CPXM1: variants seen among roughly 807,000 people sequenced by gnomAD.
CPXM1 encodes probable carboxypeptidase X1.
In CPXM1, 72 loss-of-function variants were observed where a neutral mutation model predicts 80.4. That is an observed-to-expected ratio of 0.90 (90% CI 0.74 to 1.09). CPXM1 has a LOEUF of 1.09. CPXM1 is among the 50% of genes least tolerant of loss of function. The pLI, the probability that CPXM1 is intolerant of heterozygous loss-of-function variation, is 0.00. For missense variants in CPXM1, 892 were observed against 999.4 expected, an observed-to-expected ratio of 0.89 and a Z score of 1.45; for synonymous variants, 403 against 405.6, an observed-to-expected ratio of 0.99 and a Z score of 0.08.
rs149725071 is a variant in CPXM1 at position 2,798,211 on chromosome 20, G to A, written c.531C>T (p.Asp177=). 37 of 1,613,976 alleles carry A rather than the reference G, an allele frequency of 2.3e-5. No homozygotes were observed. The highest frequency in any genetic ancestry group is 8.0e-5 in the African/African-American group (6 of 75,046). The change falls in exon 4 of 14, where the codon GAC becomes GAT. Residue 177 remains aspartate, a synonymous_variant. Transcript: ENST00000380605. ...EQDADPWFQV[D]AGHPTRFSGV... The stretch of plus-strand genomic sequence containing the variant: ...CCGAGAAGCGGGTGGGGTGCCCAGC[G>A]TCCACCTGAAACCATGGATCGGCGT...
At position 2,798,219 on chromosome 20, in the gene CPXM1, G is replaced by A. The variant is rs2088530369; in HGVS notation, c.523C>T (p.Gln175Ter). ...CGGGTGGGGTGCCCAGCGTCCACCT[G>A]AAACCATGGATCGGCGTCCTGCTCC... ...AEEQDADPWFQVDAGHPTRFS... is the reference protein window; with the variant it reads ...AEEQDADPWF Residue 175 changes from glutamine (Q) to a stop codon, truncating the protein, a stop_gained, in exon 4 of 14, where the codon CAG (glutamine) becomes TAG (stop). Transcript: ENST00000380605. LOFTEE classifies it high-confidence loss of function. 1.2e-5 allele frequency: 20 copies of A among 1,614,018 alleles called. No homozygotes were observed. The highest frequency in any genetic ancestry group is 1.6e-5 in the Non-Finnish European group (19 of 1,180,030).
chr20:2,794,709 G>A lies in CPXM1; in HGVS notation c.1861-70C>T. 3 of 1,296,150 alleles carry A rather than the reference G, an allele frequency of 2.3e-6. No individual in the cohort carries two copies. Among genetic ancestry groups the A allele is most frequent in the Middle Eastern group, 1.8e-4 (1 of 5,464 alleles). 80.3% of individuals were successfully genotyped at this position (1,296,150 alleles called of 1,614,324 possible). A position where few individuals can be genotyped will look rare whatever the true frequency, so the allele number is the denominator to read the frequency against. The stretch of plus-strand genomic sequence containing the variant: ...AATGTGCTGTTTAGCTAACTTGCTG[G>A]CTCTGTTGCCCTGCAAACCTGAGCA... On this transcript the variant is annotated intron_variant, in intron 12 of 13. Coordinates refer to ENST00000380605, the MANE Select transcript of CPXM1 (RefSeq NM_019609.5). This position sits in a 1 kb window ranked among gnomAD's most constrained non-coding sequence, Gnocchi z 5.2.
intron 1 of CPXM1, among the ~76,000 whole-genome samples, chr20:2,800,172 T>C (rs1396706295): frequency 6.6e-6 from 1 of 150,596 alleles, no homozygotes; most frequent in African/African-American, 2.4e-5. Flanking sequence ...TGTGTGTGCA[T>C]GCGTGTGAAT....
chr20:2,799,808 T>C (rs2088548568), intron 1 of CPXM1, among the ~76,000 whole-genome samples: 1 of 152,174 alleles, frequency 6.6e-6, no homozygotes, highest in African/African-American at 2.4e-5. Context: ...CGAGGGGCTC[T>C]CCCTTCTTTC....
intron 5 of CPXM1, 70 bp from the exon 6 acceptor site, chr20:2,797,412 G>A (rs1448672686): frequency 2.8e-6 from 4 of 1,424,462 alleles, no homozygotes; most frequent in Non-Finnish European, 3.7e-6. Context: ...CAGGGAAGGA[G>A]CTCAGGCCTC....
chr20:2,796,840 G>A lies in CPXM1; in HGVS notation c.921+166C>T, dbSNP rs753069583. 2.8e-4 allele frequency among the ~76,000 whole-genome samples: 42 copies of A among 152,106 alleles called. No homozygotes were observed. The highest frequency in any genetic ancestry group is 5.3e-4 in the Non-Finnish European group (36 of 68,008). On this transcript the variant is annotated intron_variant, in intron 7 of 13. Transcript: ENST00000380605. The surrounding 1 kb of genome is among the most constrained non-coding windows in gnomAD (Gnocchi z 6.8). ...GGACTGGGGGGGCGCCATAATAAGG[G>A]AAAGTGGGATGGAGCTTAGGGGTCC...
At position 2,794,425 on chromosome 20, in the gene CPXM1, C is replaced by T. The variant is rs1255102168; in HGVS notation, c.1970G>A (p.Gly657Asp). 1 of 1,613,962 alleles carries T rather than the reference C, an allele frequency of 6.2e-7. No individual in the cohort carries two copies. The highest frequency in any genetic ancestry group is 1.3e-5 in the African/African-American group (1 of 75,032). ...GGTCAGCAGACGCCAATAATCCCCG[C>T]CCCACGCTGAGGAGAGTGAAGGGCA... ...GINHDVTTAW[G>D]GDYWRLLTPG... The change falls in exon 14 of 14, where the codon GGC (glycine) becomes GAC (aspartate). Residue 657 changes from glycine to aspartate, a missense_variant. Transcript: ENST00000380605. The surrounding 1 kb of genome is among the most constrained non-coding windows in gnomAD (Gnocchi z 5.2).
At position 2,795,853 on chromosome 20, in the gene CPXM1, A is replaced by G. The variant is rs1396646852; in HGVS notation, c.1466T>C (p.Ile489Thr). 1 of 1,611,838 alleles carries G rather than the reference A, an allele frequency of 6.2e-7. No homozygotes were observed. The highest frequency in any genetic ancestry group is 8.5e-7 in the Non-Finnish European group (1 of 1,179,626). ...TRAVIKWMKR[I>T]PFVLSANLHG... ...GAGGTTGGCACTTAGCACAAAGGGG[A>G]TCCGCTTCATCCACTTGATTACTGC... The change falls in exon 11 of 14, where the codon ATC becomes ACC. Residue 489 changes from isoleucine to threonine, a missense_variant. Ile to Thr is a moderately conservative substitution (Grantham distance 89, BLOSUM62 -1). Transcript: ENST00000380605. The surrounding 1 kb of genome is among the most constrained non-coding windows in gnomAD (Gnocchi z 5.4).
chr20:2,797,383 A>G, intron 5 of CPXM1, 41 bp from the exon 6 acceptor site: 1 of 1,443,144 alleles, frequency 6.9e-7, no homozygotes, highest in Non-Finnish European at 9.1e-7. Context: ...CTCAAACCCC[A>G]GAAGCCTGGC....
Position 2,794,475 on chromosome 20 carries a change from T to C in CPXM1, c.1964-44A>G, listed in dbSNP as rs370934601. The C allele has an allele frequency of 2.5e-6, 4 of 1,613,346 alleles. No individual in the cohort carries two copies. The African/African-American group carries it at 4.0e-5, about 16-fold the overall frequency. ...ACGATCAGGACCCAATTAATGATCT[T>C]CTGCTTCTTCCCGAGCCTCCAGCCC... is the stretch of plus-strand genomic sequence containing the variant. On this transcript the variant is annotated intron_variant, in intron 13 of 13. Transcript: ENST00000380605. This position sits in a 1 kb window ranked among gnomAD's most constrained non-coding sequence, Gnocchi z 5.2.
rs576568240 is a variant in CPXM1 at position 2,796,827 on chromosome 20, C to T, written c.922-177G>A. 3.3e-5 allele frequency among the ~76,000 whole-genome samples: 5 copies of T among 151,800 alleles called. No individual in the cohort carries two copies. Among genetic ancestry groups the T allele is most frequent in the African/African-American group, 7.3e-5 (3 of 41,366 alleles). On this transcript the variant is annotated intron_variant, in intron 7 of 13. Transcript: ENST00000380605. The surrounding 1 kb of genome is among the most constrained non-coding windows in gnomAD (Gnocchi z 6.8). ...GGAGGAAGGGGTAGGACTGGGGGGG[C>T]GCCATAATAAGGGAAAGTGGGATGG... is the stretch of plus-strand genomic sequence containing the variant.
chr20:2,799,776 C>T (rs1285387114), intron 1 of CPXM1, among the ~76,000 whole-genome samples: 1 of 152,212 alleles, frequency 6.6e-6, no homozygotes, highest in African/African-American at 2.4e-5. Context: ...CCCGCTCTGC[C>T]CCATCCTCCC....
At position 2,796,241 on chromosome 20, in the gene CPXM1, G is replaced by C; in HGVS notation, c.1242+6C>G. The C allele has an allele frequency of 6.2e-7, 1 of 1,612,998 alleles. No individual in the cohort carries two copies. Among genetic ancestry groups the C allele is most frequent in the African/African-American group, 1.3e-5 (1 of 75,024 alleles). ...GACAGAGTGGCCCTCATGCTGGGTG[G>C]CCTACCCGGTGGTAGGCGATCTCAT... On this transcript the variant is annotated splice_donor_region_variant and intron_variant, in intron 9 of 13. Coordinates refer to ENST00000380605, the MANE Select transcript of CPXM1 (RefSeq NM_019609.5). This position sits in a 1 kb window ranked among gnomAD's most constrained non-coding sequence, Gnocchi z 6.8.
In CPXM1 at chr20:2,794,708, G is replaced by T; in HGVS notation, c.1861-69C>A. ...TAATGTGCTGTTTAGCTAACTTGCT[G>T]GCTCTGTTGCCCTGCAAACCTGAGC... is the stretch of plus-strand genomic sequence containing the variant. On this transcript the variant is annotated intron_variant, in intron 12 of 13. Coordinates refer to ENST00000380605, the MANE Select transcript of CPXM1 (RefSeq NM_019609.5). This position sits in a 1 kb window ranked among gnomAD's most constrained non-coding sequence, Gnocchi z 5.2. 7.6e-7 allele frequency: 1 copy of T among 1,311,318 alleles called. No individual in the cohort carries two copies. The highest frequency in any genetic ancestry group is 1.1e-6 in the Non-Finnish European group (1 of 919,390). 81.2% of individuals were successfully genotyped at this position (1,311,318 alleles called of 1,614,324 possible). A position where few individuals can be genotyped will look rare whatever the true frequency, so the allele number is the denominator to read the frequency against.
In CPXM1 at chr20:2,795,271, T is replaced by C. The variant is rs199564388; in HGVS notation, c.1860+6A>G. On this transcript the variant is annotated splice_donor_region_variant and intron_variant, in intron 12 of 13. Coordinates refer to ENST00000380605, the MANE Select transcript of CPXM1 (RefSeq NM_019609.5). This position sits in a 1 kb window ranked among gnomAD's most constrained non-coding sequence, Gnocchi z 5.4. ...GGCAGGCTGGGGGCCGGGACGCAGA[T>C]CCGACCTGCTCCAGGTAGGTGAGGA... 6.2e-7 allele frequency: 1 copy of C among 1,613,158 alleles called. No homozygotes were observed. Among genetic ancestry groups the C allele is most frequent in the East Asian group, 2.2e-5 (1 of 44,872 alleles).
chr20:2,796,016 G>A lies in CPXM1; in HGVS notation c.1388C>T (p.Pro463Leu). The A allele has an allele frequency of 1.2e-6, 2 of 1,612,540 alleles. No homozygotes were observed. The highest frequency in any genetic ancestry group is 2.2e-5 in the South Asian group (2 of 90,698). ...GGGCAGGGTGTAGTAAGTGGGCAAT[G>A]GCAGGTGATGGTTGGGGACGATGTG... is the stretch of plus-strand genomic sequence containing the variant. ...VPHIVPNHHL[P>L]LPTYYTLPNA... is the part of the protein sequence containing the mutation. The change falls in exon 10 of 14, where the codon CCA becomes CTA. Residue 463 changes from proline (P) to leucine (L), a missense_variant. Transcript: ENST00000380605. The surrounding 1 kb of genome is among the most constrained non-coding windows in gnomAD (Gnocchi z 6.8).
In CPXM1 at chr20:2,798,708, C is replaced by T. The variant is rs1437100961; in HGVS notation, c.340+18G>A. ...CCAGGGGCTGCAAGTCTGGGCTGGG[C>T]CCCTGGAGAGGAAGTACCTGTTTCT... On this transcript the variant is annotated intron_variant, in intron 2 of 13. Transcript: ENST00000380605. 4 of 1,605,266 alleles carry T rather than the reference C, an allele frequency of 2.5e-6. No homozygotes were observed. Among genetic ancestry groups the T allele is most frequent in the Non-Finnish European group, 3.4e-6 (4 of 1,175,530 alleles).
Position 2,795,320 on chromosome 20 carries a change from T to G in CPXM1, c.1817A>C (p.Glu606Ala). ...GAGGGCGTCTTTGTTGTTCTCCCAC[T>G]CCTGGGGCAATTCATTCTCGTGAGG... is the stretch of plus-strand genomic sequence containing the variant. Reference protein sequence around the residue: ...KFPHENELPQEWENNKDALLT... With the variant: ...KFPHENELPQAWENNKDALLT... The change falls in exon 12 of 14, where the codon GAG becomes GCG. Residue 606 changes from glutamate to alanine, a missense_variant. Physicochemically the swap from Glu to Ala is moderately radical, Grantham distance 107. Around this residue, in one of 2 missense-constraint regions of CPXM1, gnomAD observed 874 missense variants for 958.4 expected, o/e 0.91. Coordinates refer to ENST00000380605, the MANE Select transcript of CPXM1 (RefSeq NM_019609.5). The surrounding 1 kb of genome is among the most constrained non-coding windows in gnomAD (Gnocchi z 5.4). The G allele has an allele frequency of 1.2e-6, 2 of 1,614,098 alleles. No homozygotes were observed. The highest frequency in any genetic ancestry group is 1.7e-6 in the Non-Finnish European group (2 of 1,180,004).
intron 5 of CPXM1, among the ~76,000 whole-genome samples, 155 bp from the exon 6 acceptor site, chr20:2,797,497 A>T (rs2088523000): frequency 6.6e-6 from 1 of 152,184 alleles, no homozygotes; most frequent in African/African-American, 2.4e-5. Flanking sequence ...ACCCCGGCCC[A>T]CAGCCCCTGC....
Sources: allele counts gnomAD v4.1 joint callset (sites outside exome capture counted in the v4.1 genomes callset), GRCh38; gene constraint gnomAD v4.1.1; regional missense constraint gnomAD v4.1.1; non-coding constraint Gnocchi (gnomAD v3.1); transcripts MANE v1.5; gene names NCBI Gene and HGNC (gene_info 2026-07-23, HGNC 2026-07-21).